The following CFTR variants were observed in gnomAD, a reference collection of about 807,000 sequenced individuals.
The protein encoded by CFTR is CF transmembrane conductance regulator.
A neutral mutation model predicts 171.6 loss-of-function variants in CFTR; 181 were observed. The observed-to-expected ratio is 1.05, with a 90% CI of 0.93 to 1.19. The LOEUF (loss-of-function observed/expected upper bound fraction) is 1.19. CFTR is among the 50% of genes most tolerant of loss of function. The pLI, the probability that CFTR is intolerant of heterozygous loss-of-function variation, is 0.00. For synonymous variants in CFTR, 583 were observed against 608.0 expected, an observed-to-expected ratio of 0.96 and a Z score of 0.60; for missense variants, 1,968 against 1,734.7, an observed-to-expected ratio of 1.13 and a Z score of -2.39.
Position 117,667,156 on chromosome 7 carries a change from C to T in CFTR, c.*48C>T, listed in dbSNP as rs113068756. The T allele has an allele frequency of 3.2e-5, 49 of 1,532,174 alleles. No individual in the cohort carries two copies. The African/African-American group carries it at 3.4e-4, about 11-fold the overall frequency. 94.9% of individuals were successfully genotyped at this position (1,532,174 alleles called of 1,614,324 possible). A position where few individuals can be genotyped will look rare whatever the true frequency, so the allele number is the denominator to read the frequency against. On this transcript the variant is annotated 3_prime_UTR_variant, in exon 27 of 27. Coordinates refer to ENST00000003084, the MANE Select transcript of CFTR (RefSeq NM_000492.4). ...GGGACATTTGCTCATGGAATTGGAG[C>T]TCGTGGGACAGTCACCTCATGGAAT...
intron 22 of CFTR, among the ~76,000 whole-genome samples, chr7:117,629,329 T>C (rs2116133905): frequency 6.6e-6 from 1 of 152,278 alleles, no homozygotes; most frequent in South Asian, 2.1e-4. Context: ...AAGACCTCAG[T>C]CAGCTTTATT....
At position 117,509,081 on chromosome 7, in the gene CFTR, A is replaced by G. The variant is rs1003610229; in HGVS notation, c.212A>G (p.Asn71Ser). ...TCAAAGAAAAATCCTAAACTCATTA[A>G]TGCCCTTCGGCGATGTTTTTTCTGG... ...LASKKNPKLI[N>S]ALRRCFFWRF... is the part of the protein sequence containing the mutation. The change falls in exon 3 of 27, where the codon AAT (asparagine) becomes AGT (serine). Residue 71 changes from asparagine (N) to serine (S), a missense_variant. Transcript: ENST00000003084. The G allele has an allele frequency of 7.4e-6, 12 of 1,613,228 alleles. No homozygotes were observed. The highest frequency in any genetic ancestry group is 9.3e-6 in the Non-Finnish European group (11 of 1,179,440).
intron 11 of CFTR, among the ~76,000 whole-genome samples, chr7:117,583,335 C>T (rs1398208554): frequency 1.3e-5 from 2 of 151,466 alleles, no homozygotes; most frequent in African/African-American, 2.4e-5. Flanking sequence ...CTCCACCCTT[C>T]CTTTATCGTC....
At position 117,642,471 on chromosome 7, in the gene CFTR, A is replaced by G; in HGVS notation, c.3751A>G (p.Ser1251Gly). 6.2e-7 allele frequency: 1 copy of G among 1,613,774 alleles called. No individual in the cohort carries two copies. The highest frequency in any genetic ancestry group is 8.5e-7 in the Non-Finnish European group (1 of 1,179,740). Residue 1251 changes from serine to glycine, a missense_variant, in exon 23 of 27, where the codon AGT becomes GGT. Coordinates refer to ENST00000003084, the MANE Select transcript of CFTR (RefSeq NM_000492.4). ...CTTGGGAAGAACTGGATCAGGGAAGAGTACTTTGTTATCAGCTTTTTTGAG... is the reference window on the plus strand; with the variant it reads ...CTTGGGAAGAACTGGATCAGGGAAGGGTACTTTGTTATCAGCTTTTTTGAG... ...GLLGRTGSGK[S>G]TLLSAFLRLL...
chr7:117,573,458 C>G (rs937352159), intron 11 of CFTR, among the ~76,000 whole-genome samples: 19 of 152,042 alleles, frequency 1.2e-4, no homozygotes, highest in African/African-American at 4.3e-4. Flanking sequence ...TAAAGGAAAT[C>G]AGCCAAAAAA....
At chr7:117,500,273 C>CCTTT (rs1562881490) in intron 1 of CFTR, among the ~76,000 whole-genome samples, 3 of 141,660 alleles carry the variant, frequency 2.1e-5, no homozygotes, top group Non-Finnish European at 3.1e-5. Context: ...TAATTTTCTT[C>CCTTT]CTTTCTTTTT....
chr7:117,488,899 A>G (rs1798114858), intron 1 of CFTR, among the ~76,000 whole-genome samples: 1 of 152,112 alleles, frequency 6.6e-6, no homozygotes, highest in South Asian at 2.1e-4. Context: ...AGGCCCAGGA[A>G]TAAGTTGTAA....
chr7:117,567,405 G>A (rs1791620007), intron 11 of CFTR, among the ~76,000 whole-genome samples: 1 of 152,038 alleles, frequency 6.6e-6, no homozygotes, highest in African/African-American at 2.4e-5. Flanking sequence ...AGGGAATGTT[G>A]GTATTTCTAA....
rs1793402454 is a variant in CFTR, at chr7:117,667,328, A to T, written c.*220A>T. On this transcript the variant is annotated 3_prime_UTR_variant, in exon 27 of 27. Transcript: ENST00000003084. ...CCTGGCAATAGTCAAATTGTGTGAA[A>T]GGTACTTCAAATCCTTGAAGATTTA... 1.9e-6 allele frequency: 1 copy of T among 538,958 alleles called. No individual in the cohort carries two copies. The highest frequency in any genetic ancestry group is 3.4e-6 in the Non-Finnish European group (1 of 297,266). 33.4% of individuals were successfully genotyped at this position (538,958 alleles called of 1,614,324 possible).
intron 15 of CFTR, among the ~76,000 whole-genome samples, chr7:117,600,849 G>C (rs746925333): frequency 5.9e-5 from 9 of 151,992 alleles, no homozygotes. Context: ...GAAATGAAAT[G>C]ACAGAACTTG....
intron 15 of CFTR, among the ~76,000 whole-genome samples, chr7:117,598,807 G>A (rs972332668): frequency 1.3e-5 from 2 of 152,140 alleles, no homozygotes; most frequent in East Asian, 1.9e-4. Flanking sequence ...GTTAAAACTC[G>A]CTGGGCCCAT....
chr7:117,612,034 T>TAAA (rs1554392405), intron 20 of CFTR, among the ~76,000 whole-genome samples: 8 of 77,328 alleles, frequency 1.0e-4, no homozygotes, highest in Non-Finnish European at 2.2e-4. Flanking sequence ...TATATATATA[T>TAAA]ATATATATAT....
intron 22 of CFTR, among the ~76,000 whole-genome samples, chr7:117,634,127 C>A (rs1054245874): frequency 2.6e-5 from 4 of 151,996 alleles, no homozygotes; most frequent in Admixed American, 6.6e-5. Flanking sequence ...GGACCTGGTG[C>A]TTTCTGTTTT....
At chr7:117,654,918 A>G (rs1311312187) in intron 24 of CFTR, among the ~76,000 whole-genome samples, 2 of 152,108 alleles carry the variant, frequency 1.3e-5, no homozygotes, top group Admixed American at 1.3e-4. Flanking sequence ...CTGAACTATG[A>G]TGGGAAAGGC....
chr7:117,480,210 A>T (rs1486076120), intron 1 of CFTR, 63 bp downstream of exon 1: 2 of 1,494,220 alleles, frequency 1.3e-6, no homozygotes, highest in African/African-American at 1.4e-5. Context: ...GGGCGTGTGT[A>T]TGGGTTGGGT....
In CFTR at chr7:117,642,577, T is replaced by G. The variant is rs121909028; in HGVS notation, c.3857T>G (p.Phe1286Cys). 26 of 1,613,434 alleles carry G rather than the reference T, an allele frequency of 1.6e-5. 1 individual carries two copies. Among genetic ancestry groups the G allele is most frequent in the Non-Finnish European group, 2.2e-5 (26 of 1,179,624 alleles). ...SITLQQWRKA[F>C]GVIPQKVFIF... is the part of the protein sequence containing the mutation. ...ACTTTGCAACAGTGGAGGAAAGCCT[T>G]TGGAGTGATACCACAGGTGAGCAAA... Residue 1286 changes from phenylalanine to cysteine, a missense_variant, in exon 23 of 27, where the codon TTT (phenylalanine) becomes TGT (cysteine). By Grantham distance (205) the Phe-to-Cys change is radical (BLOSUM62 -2). Transcript: ENST00000003084.
intron 11 of CFTR, among the ~76,000 whole-genome samples, chr7:117,565,161 A>C (rs1675056413): frequency 6.6e-6 from 1 of 152,216 alleles, no homozygotes; most frequent in South Asian, 2.1e-4. Context: ...CCCTGTGTCC[A>C]AACCACCTTT....
At position 117,665,558 on chromosome 7, in the gene CFTR, AT is replaced by A; in HGVS notation, c.4241del (p.Leu1414TrpfsTer3). ...TAGAAGCAATGCTGGAATGCCAACA[AT>A]TTTTGGTGAGTCTTTATAACTTTAC... ...RIEAMLECQQFLVIEENKVRQ... is the reference protein window; with the variant it reads ...RIEAMLECQQXLVIEENKVRQ... On this transcript the variant is annotated frameshift_variant, in exon 26 of 27. Transcript: ENST00000003084. LOFTEE classifies it high-confidence loss of function. 6.2e-7 allele frequency: 1 copy of A among 1,601,756 alleles called. No individual in the cohort carries two copies. Among genetic ancestry groups the A allele is most frequent in the Non-Finnish European group, 8.6e-7 (1 of 1,168,986 alleles).
At chr7:117,501,555 G>T (rs868753995) in intron 1 of CFTR, among the ~76,000 whole-genome samples, 1 of 151,572 alleles carries the variant, frequency 6.6e-6, no homozygotes, top group Admixed American at 6.6e-5. Flanking sequence ...AGACCAACCT[G>T]ACCAACATGG....
Sources: allele counts gnomAD v4.1 joint callset (sites outside exome capture counted in the v4.1 genomes callset), GRCh38; gene constraint gnomAD v4.1.1; transcripts MANE v1.5; gene names NCBI Gene and HGNC (gene_info 2026-07-23, HGNC 2026-07-21).